The following MLXIPL variants were observed in gnomAD, a reference collection of about 807,000 sequenced individuals.
The protein encoded by MLXIPL is carbohydrate-responsive element-binding protein.
In MLXIPL, 49 loss-of-function variants were observed where a neutral mutation model predicts 81.5. The observed-to-expected ratio is 0.60, with a 90% CI of 0.48 to 0.76. The LOEUF is 0.76. MLXIPL is among the 30% of genes least tolerant of loss of function. MLXIPL has a pLI of 0.00. For synonymous variants in MLXIPL, 466 were observed against 485.5 expected (o/e 0.96, Z 0.53); for missense variants, 1,053 against 1,167.0 (o/e 0.90, Z 1.42).
chr7:73,597,661 T>C lies in MLXIPL; in HGVS notation c.1124A>G (p.Asp375Gly). 7.3e-7 allele frequency: 1 copy of C among 1,375,582 alleles called. No homozygotes were observed. The highest frequency in any genetic ancestry group is 9.4e-7 in the Non-Finnish European group (1 of 1,068,744). 85.2% of individuals were successfully genotyped at this position (1,375,582 alleles called of 1,614,324 possible). ...PLDSSAFLSS[D>G]FLLPEDPKPR... ...CTTGGGGTCTTCAGGAAGGAGGAAA[T>C]CAGAACTCAGGAAGGCGCTGGAGTC... is the stretch of plus-strand genomic sequence containing the variant. Residue 375 changes from aspartate to glycine, a missense_variant, in exon 9 of 17, where the codon GAT becomes GGT. Asp to Gly is a moderately conservative substitution (Grantham distance 94, BLOSUM62 -1). Around this residue, in one of 3 missense-constraint regions of MLXIPL, gnomAD observed 823 missense variants for 933.0 expected, o/e 0.88. Coordinates refer to ENST00000313375, the MANE Select transcript of MLXIPL (RefSeq NM_032951.3).
In MLXIPL at chr7:73,596,767, G is replaced by A; in HGVS notation, c.1694C>T (p.Pro565Leu). 2 of 1,603,428 alleles carry A rather than the reference G, an allele frequency of 1.2e-6. No homozygotes were observed. The highest frequency in any genetic ancestry group is 1.7e-6 in the Non-Finnish European group (2 of 1,176,106). ...CGGGGTCGGGGGAAGGAATGTGCAG[G>A]GGAATTCAGGGACTGTCTCCTGCTG... ...GSPQETVPEF[P>L]CTFLPPTPAP... Residue 565 changes from proline (P) to leucine (L), a missense_variant, in exon 11 of 17, where the codon CCC becomes CTC. Physicochemically the swap from Pro to Leu is moderately conservative, Grantham distance 98. Transcript: ENST00000313375. The surrounding 1 kb of genome is among the most constrained non-coding windows in gnomAD (Gnocchi z 4.7).
chr7:73,597,008 C>G, intron 9 of MLXIPL, 76 bp from the exon 10 acceptor site: 1 of 1,536,996 alleles, frequency 6.5e-7, no homozygotes, highest in Non-Finnish European at 8.8e-7. Context: ...TCCTGCCCCT[C>G]CCAAGAGTCC....
chr7:73,611,793 G>A (rs1224342279), intron 2 of MLXIPL, among the ~76,000 whole-genome samples: 1 of 151,686 alleles, frequency 6.6e-6, no homozygotes, highest in Non-Finnish European at 1.5e-5. Context: ...CCCAGCCTGG[G>A]TGACAGAGTG....
At position 73,599,622 on chromosome 7, in the gene MLXIPL, G is replaced by A. The variant is rs201889353; in HGVS notation, c.975C>T (p.Pro325=). The change falls in exon 8 of 17, where the codon CCC becomes CCT. Residue 325 remains proline, a synonymous_variant. Coordinates refer to ENST00000313375, the MANE Select transcript of MLXIPL (RefSeq NM_032951.3). ...SNFPEPPSFS[P]VVDSLFSSGT... ...CACTGCTGAAGAGGGAGTCAACCAC[G>A]GGGCTGAAGCTGGGGGGCTCTGGGA... 57 of 1,610,970 alleles carry A rather than the reference G, an allele frequency of 3.5e-5. No homozygotes were observed. Among genetic ancestry groups the A allele is most frequent in the Admixed American group, 2.3e-4 (14 of 59,714 alleles).
At chr7:73,637,815 G>A in the MLXIPL span, among the ~76,000 whole-genome samples, 1 of 152,216 alleles carries the variant, frequency 6.6e-6, no homozygotes, top group Admixed American at 6.5e-5. Flanking sequence ...CCTGGAAAAA[G>A]AATGTCAGGC....
At chr7:73,642,684 C>A in the MLXIPL span, among the ~76,000 whole-genome samples, 3 of 151,826 alleles carry the variant, frequency 2.0e-5, no homozygotes, top group Non-Finnish European at 4.4e-5. Context: ...TTTTATAAGA[C>A]AGGGTCTTGC....
At chr7:73,626,631 G>A (rs191151883), upstream of MLXIPL, among the ~76,000 whole-genome samples, 826 of 152,290 alleles carry the variant, frequency 5.4e-3, 8 homozygotes, top group African/African-American at 0.018. Context: ...TCACTGGAGC[G>A]TTTAACTAAC....
Position 73,596,070 on chromosome 7 carries a change from C to T in MLXIPL, c.2058+83G>A. 1 of 1,598,302 alleles carries T rather than the reference C, an allele frequency of 6.3e-7. No homozygotes were observed. The highest frequency in any genetic ancestry group is 8.5e-7 in the Non-Finnish European group (1 of 1,175,282). Reference sequence around the variant, plus strand: ...AGGAGGCAAGAGTGTCTGGAGCACTCCCCTGCAATTGAGTTTTGGGTGGGG... The same window carrying T: ...AGGAGGCAAGAGTGTCTGGAGCACTTCCCTGCAATTGAGTTTTGGGTGGGG... On this transcript the variant is annotated intron_variant, in intron 13 of 16. Coordinates refer to ENST00000313375, the MANE Select transcript of MLXIPL (RefSeq NM_032951.3). This position sits in a 1 kb window ranked among gnomAD's most constrained non-coding sequence, Gnocchi z 4.7.
chr7:73,635,950 C>T, the MLXIPL span, among the ~76,000 whole-genome samples: 1 of 152,176 alleles, frequency 6.6e-6, no homozygotes, highest in Non-Finnish European at 1.5e-5. Flanking sequence ...ATGGCTCCTG[C>T]CTTTGTGCAG....
intron 7 of MLXIPL, among the ~76,000 whole-genome samples, chr7:73,602,132 C>CTTCCTTCCTTCT (rs1794905500): frequency 7.1e-6 from 1 of 141,512 alleles, no homozygotes; most frequent in Non-Finnish European, 1.5e-5. Context: ...GCCTGCCTGC[C>CTTCCTTCCTTCT]TTCCTTCCTT....
chr7:73,624,397 C>T lies in MLXIPL; in HGVS notation c.96G>A (p.Pro32=), dbSNP rs782079915. Residue 32 remains proline (P), a synonymous_variant, in exon 1 of 17, where the codon CCG becomes CCA. Coordinates refer to ENST00000313375, the MANE Select transcript of MLXIPL (RefSeq NM_032951.3). ...DSDSDTDSED[P]SLRRSAGGLL... Reference sequence around the variant, plus strand: ...AGCCGCCCGCGCTGCGCCGGAGACTCGGGTCCTCCGAGTCTGTGTCCGAGT... The same window carrying T: ...AGCCGCCCGCGCTGCGCCGGAGACTTGGGTCCTCCGAGTCTGTGTCCGAGT... 1.9e-6 allele frequency: 3 copies of T among 1,565,752 alleles called. No individual in the cohort carries two copies. The highest frequency in any genetic ancestry group is 2.6e-6 in the Non-Finnish European group (3 of 1,161,782).
intron 1 of MLXIPL, among the ~76,000 whole-genome samples, chr7:73,617,056 T>C (rs1796049262): frequency 6.6e-6 from 1 of 151,198 alleles, no homozygotes; most frequent in South Asian, 2.1e-4. Context: ...CAGTCTGTCA[T>C]CCAGGCTGGA....
chr7:73,620,352 C>T (rs782185482), intron 1 of MLXIPL, among the ~76,000 whole-genome samples: 14 of 151,424 alleles, frequency 9.2e-5, no homozygotes, highest in Non-Finnish European at 1.9e-4. Context: ...TGCAGTGAGC[C>T]GAGATCATGC....
the MLXIPL span, among the ~76,000 whole-genome samples, chr7:73,645,162 G>C: frequency 6.6e-6 from 1 of 152,062 alleles, no homozygotes; most frequent in Non-Finnish European, 1.5e-5. Flanking sequence ...GAGTAGCTAT[G>C]ACTATATGCC....
chr7:73,602,118 G>GCCTT (rs1157234046), intron 7 of MLXIPL, among the ~76,000 whole-genome samples: 32 of 49,084 alleles, frequency 6.5e-4, no homozygotes, highest in Middle Eastern at 0.012. Context: ...CTGCCTGCCT[G>GCCTT]CCTGCCTGCC....
At chr7:73,630,417 C>T in the MLXIPL span, among the ~76,000 whole-genome samples, 2 of 151,848 alleles carry the variant, frequency 1.3e-5, no homozygotes, top group Admixed American at 6.6e-5. Flanking sequence ...CTAAACCTCC[C>T]GAGTAGTTGG....
intron 1 of MLXIPL, among the ~76,000 whole-genome samples, chr7:73,616,921 C>A (rs1408633144): frequency 6.6e-6 from 1 of 151,356 alleles, no homozygotes; most frequent in Non-Finnish European, 1.5e-5. Flanking sequence ...GTCACTCAGG[C>A]CTCCTTAGGC....
chr7:73,629,318 G>A (rs1796799148), upstream of MLXIPL, among the ~76,000 whole-genome samples: 1 of 152,018 alleles, frequency 6.6e-6, no homozygotes, highest in Non-Finnish European at 1.5e-5. Context: ...GGAATTACAG[G>A]AGTGAGGCAC....
intron 2 of MLXIPL, among the ~76,000 whole-genome samples, chr7:73,612,494 T>C (rs72649034): frequency 2.6e-5 from 4 of 151,726 alleles, no homozygotes; most frequent in Non-Finnish European, 1.5e-5. Flanking sequence ...TACAAAAAAT[T>C]AGCCGGGCGT....
Sources: gnomAD v4.1 joint callset for allele counts (sites outside exome capture counted in the v4.1 genomes callset) on GRCh38, gnomAD v4.1.1 for gene constraint, gnomAD v4.1.1 regional missense constraint, Gnocchi (gnomAD v3.1) non-coding constraint, MANE v1.5 for transcripts, NCBI Gene and HGNC (gene_info 2026-07-23, HGNC 2026-07-21) for gene names.